SRRM1: variants seen among roughly 807,000 people sequenced by gnomAD.
SRRM1 encodes serine and arginine repetitive matrix 1.
In SRRM1, 19 loss-of-function variants were observed where a neutral mutation model predicts 110.2. The observed-to-expected ratio is 0.17, with a 90% CI of 0.12 to 0.25. The LOEUF is 0.25. SRRM1 is among the 10% of genes least tolerant of loss of function. SRRM1 has a pLI of 1.00. For synonymous variants in SRRM1, 443 were observed against 414.9 expected (o/e 1.07, Z -0.82); for missense variants, 918 against 1,145.8 (o/e 0.80, Z 2.87).
At chr1:24,669,875 A>G in intron 14 of SRRM1, 1 of 556,964 alleles carries the variant, frequency 1.8e-6, no homozygotes, top group Admixed American at 3.5e-5. Context: ...GTGTGATGTA[A>G]GGAACTGACA....
At chr1:24,660,340 T>C (rs1268534021) in intron 9 of SRRM1, among the ~76,000 whole-genome samples, 1 of 152,256 alleles carries the variant, frequency 6.6e-6, no homozygotes, top group Non-Finnish European at 1.5e-5. Context: ...TTGAAAATCA[T>C]TGTAGAACTT....
In SRRM1 at chr1:24,652,052, A is replaced by ATTT; in HGVS notation, c.726-381_726-380insTTT. Among the ~76,000 whole-genome samples the ATTT allele has an allele frequency of 1.5e-5, 2 of 132,362 alleles. 1 individual carries two copies. Among genetic ancestry groups the ATTT allele is most frequent in the African/African-American group, 5.7e-5 (2 of 35,206 alleles). The allele number at this position is 132,362 out of a possible 152,430, so 86.8% of individuals were successfully genotyped here. On this transcript the variant is annotated intron_variant, in intron 6 of 16. Transcript: ENST00000323848. ...AAAATATATATATATATATATATAT[A>ATTT]TATATATATATGTACACACACACAC...
rs1659686476 is a variant in SRRM1 at position 24,649,958 on chromosome 1, C to G, written c.406-13C>G. On this transcript the variant is annotated splice_polypyrimidine_tract_variant and intron_variant, in intron 4 of 16. Coordinates refer to ENST00000323848, the MANE Select transcript of SRRM1 (RefSeq NM_005839.4). The stretch of plus-strand genomic sequence containing the variant: ...GTTCAACTATGTGTATTTTGAAAAC[C>G]TGGTCTTTGCAGATTGAACAAGAAA... The G allele has an allele frequency of 6.4e-7, 1 of 1,552,068 alleles. No individual in the cohort carries two copies. Among genetic ancestry groups the G allele is most frequent in the Non-Finnish European group, 8.7e-7 (1 of 1,153,464 alleles).
At chr1:24,650,233 C>A in intron 5 of SRRM1, 147 bp downstream of exon 5, 1 of 644,200 alleles carries the variant, frequency 1.6e-6, no homozygotes, top group Non-Finnish European at 2.3e-6. Flanking sequence ...TGCCTCTGGA[C>A]TAAAGAAATC....
chr1:24,647,014 G>T, intron 3 of SRRM1: 1 of 372,152 alleles, frequency 2.7e-6, no homozygotes, highest in Non-Finnish European at 4.8e-6. Context: ...TTGTAATTTT[G>T]CTGTTACATG....
At chr1:24,668,483 G>A (rs576954193) in intron 13 of SRRM1, among the ~76,000 whole-genome samples, 19 of 152,320 alleles carry the variant, frequency 1.2e-4, no homozygotes, top group African/African-American at 3.4e-4. Context: ...CTATTGTAAA[G>A]CTAACTCTGG....
At chr1:24,664,475 C>T (rs927806419) in intron 12 of SRRM1, among the ~76,000 whole-genome samples, 1 of 152,228 alleles carries the variant, frequency 6.6e-6, no homozygotes, top group African/African-American at 2.4e-5. Flanking sequence ...ATACATTTGG[C>T]ATTACACTAG....
In SRRM1 at chr1:24,666,889, G is replaced by C; in HGVS notation, c.1703G>C (p.Arg568Pro). 5 of 1,610,444 alleles carry C rather than the reference G, an allele frequency of 3.1e-6. No individual in the cohort carries two copies. Among genetic ancestry groups the C allele is most frequent in the Non-Finnish European group, 4.2e-6 (5 of 1,178,908 alleles). ...TCTCCTTCTCCCGCCCCTCCTCCTCGACGGCGCAGGACTCCCACACCACCA... is the reference window on the plus strand; with the variant it reads ...TCTCCTTCTCCCGCCCCTCCTCCTCCACGGCGCAGGACTCCCACACCACCA... ...RRSPSPAPPP[R>P]RRRTPTPPPR... The change falls in exon 13 of 17, where the codon CGA (arginine) becomes CCA (proline). Residue 568 changes from arginine to proline, a missense_variant. By Grantham distance (103) the Arg-to-Pro change is moderately radical (BLOSUM62 -2). Transcript: ENST00000323848.
Position 24,669,298 on chromosome 1 carries a change from C to G in SRRM1, c.1915C>G (p.Pro639Ala). ...PPPKRRVSHS[P>A]PPKQRSSPVT... ...ACCAAAGCGGCGGGTCTCCCATTCT[C>G]CACCTCCCAAACAAAGAAGCTCCCC... is the stretch of plus-strand genomic sequence containing the variant. Residue 639 changes from proline (P) to alanine (A), a missense_variant, in exon 14 of 17, where the codon CCA (proline) becomes GCA (alanine). By Grantham distance (27) the Pro-to-Ala change is conservative. Transcript: ENST00000323848. The G allele has an allele frequency of 6.2e-7, 1 of 1,614,156 alleles. No individual in the cohort carries two copies. Among genetic ancestry groups the G allele is most frequent in the Non-Finnish European group, 8.5e-7 (1 of 1,180,040 alleles).
Position 24,666,928 on chromosome 1 carries a change from A to G in SRRM1, c.1739+3A>G, listed in dbSNP as rs1670297538. ...CCCACACCACCACCACGACGAAGGT[A>G]CTTTGTCAAATATGCTAACTGGAGC... On this transcript the variant is annotated splice_donor_region_variant and intron_variant, in intron 13 of 16. Coordinates refer to ENST00000323848, the MANE Select transcript of SRRM1 (RefSeq NM_005839.4). 1 of 1,596,732 alleles carries G rather than the reference A, an allele frequency of 6.3e-7. No individual in the cohort carries two copies.
chr1:24,666,725 A>T (rs769394870), intron 12 of SRRM1, 90 bp from the exon 13 acceptor site: 48 of 993,432 alleles, frequency 4.8e-5, no homozygotes, highest in Non-Finnish European at 7.0e-5. Context: ...AGATCATGCC[A>T]TTGCACTCCA....
At position 24,673,026 on chromosome 1, in the gene SRRM1, C is replaced by G. The variant is rs1400377927; in HGVS notation, c.*740C>G. On this transcript the variant is annotated 3_prime_UTR_variant, in exon 17 of 17. Transcript: ENST00000323848. ...TGAGCTAGTCCCAGAAAGGATCCTT[C>G]AGTTACATACAATTTGTTTAATGAA... 1.3e-5 allele frequency: 2 copies of G among 151,992 alleles called. No homozygotes were observed. Among genetic ancestry groups the G allele is most frequent in the Non-Finnish European group, 2.9e-5 (2 of 68,014 alleles). 9.4% of individuals were successfully genotyped at this position (151,992 alleles called of 1,614,324 possible).
At position 24,646,738 on chromosome 1, in the gene SRRM1, G is replaced by A; in HGVS notation, c.183G>A (p.Gly61=). 1 of 1,609,376 alleles carries A rather than the reference G, an allele frequency of 6.2e-7. No homozygotes were observed. ...CAAAAAGAGTAACGGAAATCCTTGG[G>A]TTTGAAGATGATGTTGTGATTGAGT... ...WITKRVTEIL[G]FEDDVVIEFI... is the part of the protein sequence containing the mutation. The change falls in exon 3 of 17, where the codon GGG becomes GGA. Residue 61 remains glycine (G), a synonymous_variant. Coordinates refer to ENST00000323848, the MANE Select transcript of SRRM1 (RefSeq NM_005839.4).
intron 14 of SRRM1, 27 bp downstream of exon 14, chr1:24,669,614 A>G: frequency 6.7e-7 from 1 of 1,488,406 alleles, no homozygotes; most frequent in East Asian, 2.5e-5. Flanking sequence ...CTTTTCCATT[A>G]GGAATACTTA....
rs369107445 is a variant in SRRM1, at chr1:24,671,580, G to A, written c.2595G>A (p.Ala865=). The A allele has an allele frequency of 1.4e-4, 221 of 1,592,646 alleles. 1 individual carries two copies. The East Asian group carries it at 4.0e-3, about 29-fold the overall frequency. The change falls in exon 16 of 17, where the codon GCG becomes GCA. Residue 865 remains alanine (A), a synonymous_variant. Coordinates refer to ENST00000323848, the MANE Select transcript of SRRM1 (RefSeq NM_005839.4). ...TAGCACAGGAAGAGCCAGTGGCAGC[G>A]CCAGAGCCGAAGAAGGTATTTATGA... The part of the protein sequence containing the change: ...TTLAQEEPVA[A]PEPKKETESE...
At chr1:24,659,194 CAA>C (rs200974229) in intron 9 of SRRM1, among the ~76,000 whole-genome samples, 12 of 129,922 alleles carry the variant, frequency 9.2e-5, no homozygotes, top group African/African-American at 8.5e-5. Context: ...AACTCTGTCT[CAA>C]AAAAAAAAAA....
chr1:24,663,050 C>A, intron 12 of SRRM1: 2 of 991,030 alleles, frequency 2.0e-6, no homozygotes, highest in South Asian at 2.0e-5. Context: ...AAAAATAAAC[C>A]AAACTATTAT....
At position 24,648,604 on chromosome 1, in the gene SRRM1, C is replaced by T. The variant is rs553564469; in HGVS notation, c.235-255C>T. 39 of 316,368 alleles carry T rather than the reference C, an allele frequency of 1.2e-4. No individual in the cohort carries two copies. In the Middle Eastern group the frequency reaches 3.4e-3, roughly 28 times the overall value. 19.6% of individuals were successfully genotyped at this position (316,368 alleles called of 1,614,324 possible). A position where few individuals can be genotyped will look rare whatever the true frequency, so the allele number is the denominator to read the frequency against. ...CAGCCACAGAGTCTAAAAATACTTA[C>T]GAAATCCACAAAGGATTAACAGGCT... On this transcript the variant is annotated intron_variant, in intron 3 of 16. Transcript: ENST00000323848.
At chr1:24,669,773 A>G (rs1239231577) in intron 14 of SRRM1, 186 bp downstream of exon 14, 1 of 615,156 alleles carries the variant, frequency 1.6e-6, no homozygotes, top group Non-Finnish European at 2.8e-6. Flanking sequence ...TAAATGCCAC[A>G]GGCTTTTACT....
Sources: gnomAD v4.1 joint callset for allele counts (sites outside exome capture counted in the v4.1 genomes callset) on GRCh38, gnomAD v4.1.1 for gene constraint, MANE v1.5 for transcripts, NCBI Gene and HGNC (gene_info 2026-07-23, HGNC 2026-07-21) for gene names.